Variants in FOXP2 observed in about 807,000 individuals in gnomAD.
FOXP2 encodes forkhead box P2.
A neutral mutation model predicts 115.8 loss-of-function variants in FOXP2; 12 were observed. That is an observed-to-expected ratio of 0.10 (90% CI 0.07 to 0.17). The LOEUF is 0.17. Among genes scored for constraint, FOXP2 ranks in the 10% least tolerant of loss-of-function variants. The pLI is 1.00. For missense variants in FOXP2, 629 were observed against 843.5 expected (o/e 0.75, Z 3.15); for synonymous variants, 328 against 297.7 (o/e 1.10, Z -1.05).
intron 2 of FOXP2, among the ~76,000 whole-genome samples, chr7:114,431,873 A>G (rs1362056615): frequency 6.6e-6 from 1 of 151,894 alleles, no homozygotes; most frequent in Middle Eastern, 3.2e-3. Flanking sequence ...TATTTTTTTT[A>G]AATAATACAG....
chr7:114,496,872 A>G (rs1797344874), intron 2 of FOXP2, among the ~76,000 whole-genome samples: 2 of 152,044 alleles, frequency 1.3e-5, no homozygotes, highest in Non-Finnish European at 1.5e-5. Flanking sequence ...GTACTGTTTC[A>G]TATTTATTTA....
chr7:114,689,731 T>G (rs1267428320), intron 16 of FOXP2, 51 bp from the exon 17 acceptor site: 1 of 1,608,360 alleles, frequency 6.2e-7, no homozygotes, highest in African/African-American at 1.3e-5. Flanking sequence ...TTGGCCAAAC[T>G]CTGTTTGTTG....
At chr7:114,669,376 T>C (rs1342098065) in intron 16 of FOXP2, 4 of 152,076 alleles carry the variant, frequency 2.6e-5, no homozygotes, top group Non-Finnish European at 5.9e-5. Context: ...TCAAAGCAAG[T>C]ACTTCACTTT....
At chr7:114,205,075 A>G (rs1298547699) in intron 1 of FOXP2, among the ~76,000 whole-genome samples, 1 of 152,162 alleles carries the variant, frequency 6.6e-6, no homozygotes, top group Non-Finnish European at 1.5e-5. Flanking sequence ...TACAGCAAAG[A>G]GAAGATTTCA....
chr7:114,424,236 C>A (rs1438106189), intron 1 of FOXP2, among the ~76,000 whole-genome samples: 1 of 151,274 alleles, frequency 6.6e-6, no homozygotes, highest in African/African-American at 2.4e-5. Context: ...ATGTAGAATT[C>A]TTTAATTCAT....
rs1377643704 is a variant in FOXP2 at position 114,662,215 on chromosome 7, T to C, written c.1769+29T>C. On this transcript the variant is annotated intron_variant, in intron 14 of 16. Coordinates refer to ENST00000350908, the MANE Select transcript of FOXP2 (RefSeq NM_014491.4). ...TGTTTGTGATAGTTTTGTAATCCTG[T>C]ATCCTGCATCCACCAGGAAAAGTAA... 2.5e-6 allele frequency: 4 copies of C among 1,611,258 alleles called. No homozygotes were observed. The African/African-American group carries it at 5.3e-5, about 22-fold the overall frequency.
intron 2 of FOXP2, among the ~76,000 whole-genome samples, chr7:114,490,769 C>T (rs1464863759): frequency 2.6e-5 from 4 of 152,026 alleles, no homozygotes; most frequent in East Asian, 1.9e-4. Context: ...GGTTTTTTGT[C>T]CTTGTGATAG....
At chr7:114,682,637 G>T (rs1049477628) in intron 16 of FOXP2, among the ~76,000 whole-genome samples, 4 of 151,974 alleles carry the variant, frequency 2.6e-5, no homozygotes, top group African/African-American at 9.7e-5. Context: ...AAATTTAATG[G>T]CTCTCATATC....
At chr7:114,205,270 TCA>T (rs888552171) in intron 1 of FOXP2, among the ~76,000 whole-genome samples, 1 of 152,182 alleles carries the variant, frequency 6.6e-6, no homozygotes, top group Non-Finnish European at 1.5e-5. Flanking sequence ...ACATGCAGCC[TCA>T]CACATTGCGC....
chr7:114,273,999 A>G (rs760299274), intron 1 of FOXP2, among the ~76,000 whole-genome samples: 25 of 149,864 alleles, frequency 1.7e-4, no homozygotes, highest in Non-Finnish European at 5.9e-5. Context: ...CTTTGTTCCT[A>G]TTTTTCTTCC....
At chr7:114,243,262 G>GAAAAAAA (rs61609626) in intron 1 of FOXP2, among the ~76,000 whole-genome samples, 2 of 107,062 alleles carry the variant, frequency 1.9e-5, no homozygotes, top group African/African-American at 3.2e-5. Context: ...CCATGAGCCA[G>GAAAAAAA]AAAAAAAAAA....
chr7:114,118,919 C>G (rs1194432575), intron 1 of FOXP2, among the ~76,000 whole-genome samples: 1 of 152,092 alleles, frequency 6.6e-6, no homozygotes, highest in African/African-American at 2.4e-5. Flanking sequence ...GGCAGTTTGA[C>G]TCATATACAA....
chr7:114,439,887 A>AATATTATTTTGT (rs1794525604), intron 2 of FOXP2, among the ~76,000 whole-genome samples: 3 of 152,102 alleles, frequency 2.0e-5, no homozygotes, highest in Admixed American at 2.0e-4. Flanking sequence ...ATTATCTTAA[A>AATATTATTTTGT]ATATTATTTT....
chr7:114,592,796 C>T (rs1015547682), intron 3 of FOXP2, among the ~76,000 whole-genome samples: 5 of 152,008 alleles, frequency 3.3e-5, no homozygotes. Context: ...CATCTTTTTA[C>T]ATCAGCTTGA....
At chr7:114,363,889 C>G (rs1791813950) in intron 2 of FOXP2, among the ~76,000 whole-genome samples, 1 of 152,114 alleles carries the variant, frequency 6.6e-6, no homozygotes, top group Non-Finnish European at 1.5e-5. Flanking sequence ...GCTAGACTTG[C>G]TGTTCCTGTC....
intron 1 of FOXP2, among the ~76,000 whole-genome samples, chr7:114,208,458 G>A (rs1187665601): frequency 1.3e-5 from 2 of 152,142 alleles, no homozygotes; most frequent in African/African-American, 2.4e-5. Flanking sequence ...TCTCACATGA[G>A]ATGTTGGACT....
chr7:114,526,172 TAAAA>T (rs3028251), intron 2 of FOXP2, among the ~76,000 whole-genome samples: 9 of 79,744 alleles, frequency 1.1e-4, no homozygotes, highest in South Asian at 6.4e-4. Flanking sequence ...GTTTCTTTAT[TAAAA>T]AAAAAAAAAA....
chr7:114,300,051 C>T (rs1796841339), intron 2 of FOXP2, among the ~76,000 whole-genome samples: 1 of 151,964 alleles, frequency 6.6e-6, no homozygotes, highest in Non-Finnish European at 1.5e-5. Flanking sequence ...CACACACGTA[C>T]ACACACTCAC....
chr7:114,320,777 G>A (rs899444377), intron 2 of FOXP2, among the ~76,000 whole-genome samples: 1 of 151,950 alleles, frequency 6.6e-6, no homozygotes, highest in Non-Finnish European at 1.5e-5. Flanking sequence ...CCCTGCAGAG[G>A]GACAACCTTC....
Sources: allele counts gnomAD v4.1 joint callset (sites outside exome capture counted in the v4.1 genomes callset), GRCh38; gene constraint gnomAD v4.1.1; transcripts MANE v1.5; gene names NCBI Gene and HGNC (gene_info 2026-07-23, HGNC 2026-07-21).